LYPLA2: variants seen among roughly 807,000 people sequenced by gnomAD.
The protein encoded by LYPLA2 is lysophospholipase 2.
A neutral mutation model predicts 30.3 loss-of-function variants in LYPLA2; 7 were observed. That is an observed-to-expected ratio of 0.23 (90% CI 0.13 to 0.43). LYPLA2 has a LOEUF of 0.43. LYPLA2 is among the 20% of genes least tolerant of loss of function. The pLI is 1.00. For synonymous variants in LYPLA2, 112 were observed against 118.2 expected (o/e 0.95, Z 0.34); for missense variants, 206 against 307.9 (o/e 0.67, Z 2.48).
chr1:23,792,540 C>A, intron 1 of LYPLA2, 117 bp from the exon 2 acceptor site: 2 of 662,852 alleles, frequency 3.0e-6, no homozygotes, highest in Non-Finnish European at 5.4e-6. Flanking sequence ...CTTGACTATT[C>A]TTTGTGCCCA....
Position 23,793,452 on chromosome 1 carries a change from C to T in LYPLA2, c.176+236C>T, listed in dbSNP as rs139835642. Among the ~76,000 whole-genome samples the T allele has an allele frequency of 7.2e-4, 110 of 152,298 alleles. 1 individual carries two copies. Among genetic ancestry groups the T allele is most frequent in the African/African-American group, 2.4e-3 (99 of 41,570 alleles). On this transcript the variant is annotated intron_variant, in intron 4 of 9. Coordinates refer to ENST00000374514, the MANE Select transcript of LYPLA2 (RefSeq NM_007260.3). The surrounding 1 kb of genome is among the most constrained non-coding windows in gnomAD (Gnocchi z 6.0). ...CTCCTAGAACCCACACCTCCCTTTG[C>T]CCCTTCCCCAAGTACTCACCGACTA...
At position 23,792,702 on chromosome 1, in the gene LYPLA2, C is replaced by G. The variant is rs1638821078; in HGVS notation, c.20C>G (p.Ser7Cys). ...TGGTGTATGTGTGGTAACACCATGT[C>G]TGTGCCCCTGCTCACCGATGCTGCC... MCGNTM[S>C]VPLLTDAATV... Residue 7 changes from serine (S) to cysteine (C), a missense_variant, in exon 2 of 10, where the codon TCT becomes TGT. Ser to Cys is a moderately radical substitution (Grantham distance 112). Coordinates refer to ENST00000374514, the MANE Select transcript of LYPLA2 (RefSeq NM_007260.3). 1 of 1,612,022 alleles carries G rather than the reference C, an allele frequency of 6.2e-7. No homozygotes were observed.
At chr1:23,792,435 CAG>C (rs1638815074) in intron 1 of LYPLA2, 1 of 540,834 alleles carries the variant, frequency 1.8e-6, no homozygotes, top group Non-Finnish European at 3.3e-6. Flanking sequence ...GGGCCAGAAC[CAG>C]AGACACATGT....
rs775750902 is a variant in LYPLA2 at position 23,793,138 on chromosome 1, G to A, written c.111-13G>A. ...CTACCACATCGGAGCCTTTTCTCCC[G>A]TCCCTCCTACAGGCACAGCTGGGCT... is the stretch of plus-strand genomic sequence containing the variant. On this transcript the variant is annotated splice_polypyrimidine_tract_variant and intron_variant, in intron 3 of 9. Coordinates refer to ENST00000374514, the MANE Select transcript of LYPLA2 (RefSeq NM_007260.3). The surrounding 1 kb of genome is among the most constrained non-coding windows in gnomAD (Gnocchi z 6.0). 23 of 1,613,838 alleles carry A rather than the reference G, an allele frequency of 1.4e-5. No homozygotes were observed. Among genetic ancestry groups the A allele is most frequent in the Admixed American group, 5.0e-5 (3 of 59,976 alleles).
At position 23,792,662 on chromosome 1, in the gene LYPLA2, C is replaced by T. The variant is rs770062063; in HGVS notation, c.-21C>T. ...CGCCGCCCCGATGTATGCAGGCCCCCGCCGTGGAGCCGTGTGGTGTATGTG... is the reference window on the plus strand; with the variant it reads ...CGCCGCCCCGATGTATGCAGGCCCCTGCCGTGGAGCCGTGTGGTGTATGTG... On this transcript the variant is annotated 5_prime_UTR_variant, in exon 2 of 10. Coordinates refer to ENST00000374514, the MANE Select transcript of LYPLA2 (RefSeq NM_007260.3). 12 of 1,609,668 alleles carry T rather than the reference C, an allele frequency of 7.5e-6. No homozygotes were observed. The highest frequency in any genetic ancestry group is 4.0e-5 in the African/African-American group (3 of 74,818).
rs532586375 is a variant in LYPLA2 at position 23,792,758 on chromosome 1, G to T, written c.76G>T (p.Ala26Ser). 1 of 1,612,216 alleles carries T rather than the reference G, an allele frequency of 6.2e-7. No homozygotes were observed. The highest frequency in any genetic ancestry group is 8.5e-7 in the Non-Finnish European group (1 of 1,179,392). ...GTCTGGAGCTGAGCGGGAAACGGCC[G>T]CGGTAAGGGTCCCCTTTCACCCACG... ...TVSGAERETA[A>S]VIFLHGLGDT... The change falls in exon 2 of 10, where the codon GCG becomes TCG. Residue 26 changes from alanine to serine, a missense_variant and splice_region_variant. Transcript: ENST00000374514.
At chr1:23,792,561 T>C (rs1411073276) in intron 1 of LYPLA2, 96 bp from the exon 2 acceptor site, 3 of 728,912 alleles carry the variant, frequency 4.1e-6, no homozygotes, top group Non-Finnish European at 7.4e-6. Flanking sequence ...GGACAGAACC[T>C]GGGTGCTGTG....
At position 23,792,663 on chromosome 1, in the gene LYPLA2, G is replaced by A. The variant is rs755470787; in HGVS notation, c.-20G>A. 2.7e-5 allele frequency: 44 copies of A among 1,609,852 alleles called. No homozygotes were observed. Among genetic ancestry groups the A allele is most frequent in the Non-Finnish European group, 3.6e-5 (42 of 1,178,656 alleles). ...GCCGCCCCGATGTATGCAGGCCCCCGCCGTGGAGCCGTGTGGTGTATGTGT... is the reference window on the plus strand; with the variant it reads ...GCCGCCCCGATGTATGCAGGCCCCCACCGTGGAGCCGTGTGGTGTATGTGT... On this transcript the variant is annotated 5_prime_UTR_variant, in exon 2 of 10. Transcript: ENST00000374514.
chr1:23,794,376 T>G lies in LYPLA2; in HGVS notation c.471+51T>G. 1.3e-6 allele frequency: 2 copies of G among 1,572,438 alleles called. No individual in the cohort carries two copies. The highest frequency in any genetic ancestry group is 2.3e-5 in the East Asian group (1 of 44,258). ...CCCTTTGTGTCTGCATCCTCGTGGCTTGGGGACTGCTGCAGCACTAGCTTT... is the reference window on the plus strand; with the variant it reads ...CCCTTTGTGTCTGCATCCTCGTGGCGTGGGGACTGCTGCAGCACTAGCTTT... On this transcript the variant is annotated intron_variant, in intron 8 of 9. Coordinates refer to ENST00000374514, the MANE Select transcript of LYPLA2 (RefSeq NM_007260.3). The surrounding 1 kb of genome is among the most constrained non-coding windows in gnomAD (Gnocchi z 5.9).
At position 23,794,019 on chromosome 1, in the gene LYPLA2, C is replaced by T; in HGVS notation, c.296-44C>T. ...TCCTCAGCCTAGCTCCCTTATTGGG[C>T]CCCTTGGCAGCTTCCCTCTACCCAC... On this transcript the variant is annotated intron_variant, in intron 6 of 9. Coordinates refer to ENST00000374514, the MANE Select transcript of LYPLA2 (RefSeq NM_007260.3). The surrounding 1 kb of genome is among the most constrained non-coding windows in gnomAD (Gnocchi z 5.9). 6.3e-7 allele frequency: 1 copy of T among 1,597,248 alleles called. No homozygotes were observed. Among genetic ancestry groups the T allele is most frequent in the Non-Finnish European group, 8.6e-7 (1 of 1,164,646 alleles).
chr1:23,792,592 C>A, intron 1 of LYPLA2, 65 bp from the exon 2 acceptor site: 1 of 966,394 alleles, frequency 1.0e-6, no homozygotes, highest in Non-Finnish European at 1.7e-6. Context: ...GGCCTGGTGG[C>A]CTCTTGGGCC....
At position 23,793,316 on chromosome 1, in the gene LYPLA2, G is replaced by A; in HGVS notation, c.176+100G>A. 1.6e-6 allele frequency: 2 copies of A among 1,284,520 alleles called. No individual in the cohort carries two copies. Among genetic ancestry groups the A allele is most frequent in the Non-Finnish European group, 2.2e-6 (2 of 895,726 alleles). 79.6% of individuals were successfully genotyped at this position (1,284,520 alleles called of 1,614,324 possible). A position where few individuals can be genotyped will look rare whatever the true frequency, so the allele number is the denominator to read the frequency against. ...TCTCTCCTGTCAGTTGCATCCTGGG[G>A]CTTGGGCTCAGGGCAGTCAGAAGTG... On this transcript the variant is annotated intron_variant, in intron 4 of 9. Transcript: ENST00000374514. The surrounding 1 kb of genome is among the most constrained non-coding windows in gnomAD (Gnocchi z 6.0).
rs1469935625 is a variant in LYPLA2, at chr1:23,794,266, C to T, written c.412C>T (p.Pro138Ser). Residue 138 changes from proline (P) to serine (S), a missense_variant, in exon 8 of 10, where the codon CCT becomes TCT. Coordinates refer to ENST00000374514, the MANE Select transcript of LYPLA2 (RefSeq NM_007260.3). This position sits in a 1 kb window ranked among gnomAD's most constrained non-coding sequence, Gnocchi z 5.9. ...SLYTALTCPHPLAGIVALSCW... is the reference protein window; with the variant it reads ...SLYTALTCPHSLAGIVALSCW... ...CTACACGGCCCTCACCTGCCCCCAC[C>T]CTCTGGCTGGCATCGTGGCGTTGAG... 1.8e-5 allele frequency: 29 copies of T among 1,612,294 alleles called. No individual in the cohort carries two copies. Among genetic ancestry groups the T allele is most frequent in the Non-Finnish European group, 2.3e-5 (27 of 1,179,920 alleles).
chr1:23,792,487 G>C (rs543668058), intron 1 of LYPLA2, 170 bp from the exon 2 acceptor site: 4 of 592,234 alleles, frequency 6.8e-6, no homozygotes, highest in Non-Finnish European at 1.2e-5. Context: ...TTTCAGCCCT[G>C]GAACTGAGGC....
chr1:23,793,590 A>C lies in LYPLA2; in HGVS notation c.177-115A>C. 1 of 1,078,076 alleles carries C rather than the reference A, an allele frequency of 9.3e-7. No individual in the cohort carries two copies. Among genetic ancestry groups the C allele is most frequent in the Admixed American group, 1.7e-5 (1 of 57,838 alleles). 66.8% of individuals were successfully genotyped at this position (1,078,076 alleles called of 1,614,324 possible). A position where few individuals can be genotyped will look rare whatever the true frequency, so the allele number is the denominator to read the frequency against. ...GGTTGCCTGGCAACACCTTAAACAC[A>C]GGCCCTGCCTGCTGGGAGGGGCCAC... On this transcript the variant is annotated intron_variant, in intron 4 of 9. Transcript: ENST00000374514. This position sits in a 1 kb window ranked among gnomAD's most constrained non-coding sequence, Gnocchi z 6.0.
In LYPLA2 at chr1:23,794,756, AC is replaced by A; in HGVS notation, c.*28del. The A allele has an allele frequency of 6.2e-7, 1 of 1,613,222 alleles. No homozygotes were observed. The highest frequency in any genetic ancestry group is 1.1e-5 in the South Asian group (1 of 91,022). On this transcript the variant is annotated 3_prime_UTR_variant, in exon 10 of 10. Coordinates refer to ENST00000374514, the MANE Select transcript of LYPLA2 (RefSeq NM_007260.3). This position sits in a 1 kb window ranked among gnomAD's most constrained non-coding sequence, Gnocchi z 5.9. ...AACTAGTCGCTGGCCCCAGTGCAGT[AC>A]CCCAGCTCATGGGGGACTCAGCAAG... is the stretch of plus-strand genomic sequence containing the variant.
At position 23,794,542 on chromosome 1, in the gene LYPLA2, C is replaced by G; in HGVS notation, c.587C>G (p.Thr196Arg). The change falls in exon 9 of 10, where the codon ACA becomes AGA. Residue 196 changes from threonine to arginine, a missense_variant. Physicochemically the swap from Thr to Arg is moderately conservative, Grantham distance 71 (BLOSUM62 -1). Coordinates refer to ENST00000374514, the MANE Select transcript of LYPLA2 (RefSeq NM_007260.3). The surrounding 1 kb of genome is among the most constrained non-coding windows in gnomAD (Gnocchi z 5.9). ...LTAEKLRSVV[T>R]PARVQFKTYP... ...GCTGAGAAGCTCCGGTCTGTTGTCA[C>G]ACCTGCCAGGGTCCAGTTCAAGACA... 1 of 1,614,162 alleles carries G rather than the reference C, an allele frequency of 6.2e-7. No homozygotes were observed. The highest frequency in any genetic ancestry group is 8.5e-7 in the Non-Finnish European group (1 of 1,180,004).
In LYPLA2 at chr1:23,792,763, A is replaced by G; in HGVS notation, c.78+3A>G. 1 of 1,611,872 alleles carries G rather than the reference A, an allele frequency of 6.2e-7. No individual in the cohort carries two copies. The highest frequency in any genetic ancestry group is 1.1e-5 in the South Asian group (1 of 91,010). ...GAGCTGAGCGGGAAACGGCCGCGGT[A>G]AGGGTCCCCTTTCACCCACGGCCAG... On this transcript the variant is annotated splice_donor_region_variant and intron_variant, in intron 2 of 9. Coordinates refer to ENST00000374514, the MANE Select transcript of LYPLA2 (RefSeq NM_007260.3).
In LYPLA2 at chr1:23,793,396, C is replaced by T. The variant is rs1638839408; in HGVS notation, c.176+180C>T. ...CCCAGGAGTGGGGTCCAGCACCAGC[C>T]CCCAGCCCTAGGGCCTCCTAGACCT... On this transcript the variant is annotated intron_variant, in intron 4 of 9. Transcript: ENST00000374514. The surrounding 1 kb of genome is among the most constrained non-coding windows in gnomAD (Gnocchi z 6.0). Among the ~76,000 whole-genome samples, 1 of 152,162 alleles carries T rather than the reference C, an allele frequency of 6.6e-6. No homozygotes were observed. The highest frequency in any genetic ancestry group is 2.4e-5 in the African/African-American group (1 of 41,440).
Sources: allele counts gnomAD v4.1 joint callset (sites outside exome capture counted in the v4.1 genomes callset), GRCh38; gene constraint gnomAD v4.1.1; non-coding constraint Gnocchi (gnomAD v3.1); transcripts MANE v1.5; gene names NCBI Gene and HGNC (gene_info 2026-07-23, HGNC 2026-07-21).